The following CENPP variants were observed in gnomAD, a reference collection of about 807,000 sequenced individuals.
CENPP encodes centromere protein P.
In CENPP, 24 loss-of-function variants were observed where a neutral mutation model predicts 35.6. That is an observed-to-expected ratio of 0.67 (90% CI 0.49 to 0.95). The LOEUF is 0.95. Among genes scored for constraint, CENPP ranks in the 40% least tolerant of loss-of-function variants. CENPP has a pLI of 0.00. For synonymous variants in CENPP, 120 were observed against 125.5 expected (o/e 0.96, Z 0.29); for missense variants, 332 against 345.3 (o/e 0.96, Z 0.31).
intron 5 of CENPP, among the ~76,000 whole-genome samples, chr9:92,478,498 G>A (rs1351990499): frequency 6.6e-6 from 1 of 152,126 alleles, no homozygotes; most frequent in Admixed American, 6.5e-5. Flanking sequence ...TTGTCGCCCA[G>A]GCTGGAGTAC....
intron 5 of CENPP, among the ~76,000 whole-genome samples, chr9:92,564,017 T>C (rs1051743852): frequency 6.6e-6 from 1 of 152,200 alleles, no homozygotes; most frequent in East Asian, 1.9e-4. Context: ...CAGGTCTGCA[T>C]TTTGGAAAAA....
At chr9:92,396,375 TA>T (rs1842890359) in intron 5 of CENPP, among the ~76,000 whole-genome samples, 2 of 150,980 alleles carry the variant, frequency 1.3e-5, no homozygotes, top group African/African-American at 4.9e-5. Context: ...GCTTGTTAAT[TA>T]AACAAAAAAA....
intron 4 of CENPP, among the ~76,000 whole-genome samples, chr9:92,349,846 C>T (rs188063567): frequency 5.1e-4 from 78 of 152,294 alleles, no homozygotes; most frequent in African/African-American, 1.7e-3. Context: ...CACACACAAA[C>T]ATACATGTAT....
chr9:92,613,177 A>C lies in CENPP; in HGVS notation c.*28A>C. 1 of 1,613,730 alleles carries C rather than the reference A, an allele frequency of 6.2e-7. No individual in the cohort carries two copies. Among genetic ancestry groups the C allele is most frequent in the East Asian group, 2.2e-5 (1 of 44,878 alleles). ...CCAAAACAGTGAACGTGGAGGATGA[A>C]GATGCTGCGTGGAGGAACATGCAAT... On this transcript the variant is annotated 3_prime_UTR_variant, in exon 8 of 8. Coordinates refer to ENST00000375587, the MANE Select transcript of CENPP (RefSeq NM_001012267.3).
At chr9:92,574,352 G>T (rs538673009) in intron 5 of CENPP, among the ~76,000 whole-genome samples, 3 of 152,124 alleles carry the variant, frequency 2.0e-5, no homozygotes, top group Admixed American at 2.0e-4. Flanking sequence ...AATAAATTCA[G>T]CAAAGTAGCA....
intron 5 of CENPP, among the ~76,000 whole-genome samples, chr9:92,543,314 A>T (rs1161542633): frequency 6.6e-6 from 1 of 151,996 alleles, no homozygotes; most frequent in Non-Finnish European, 1.5e-5. Context: ...TCTATCAAAA[A>T]ATACAAAAAT....
At chr9:92,536,108 T>G in intron 5 of CENPP, 1 of 438,888 alleles carries the variant, frequency 2.3e-6, no homozygotes, top group Non-Finnish European at 4.3e-6. Context: ...GATAAATGCC[T>G]TTCAGTTCTT....
At chr9:92,537,422 A>G (rs984510280) in intron 5 of CENPP, among the ~76,000 whole-genome samples, 1 of 152,046 alleles carries the variant, frequency 6.6e-6, no homozygotes, top group Admixed American at 6.5e-5. Flanking sequence ...GCACTTTGGG[A>G]GGCAGAGACA....
At chr9:92,595,556 T>C (rs1319699965) in intron 5 of CENPP, among the ~76,000 whole-genome samples, 16 of 151,564 alleles carry the variant, frequency 1.1e-4, no homozygotes, top group Admixed American at 1.1e-3. Flanking sequence ...TTTTGTTTTT[T>C]GTTTTTGTTT....
At chr9:92,580,160 T>C (rs1386047968) in intron 5 of CENPP, among the ~76,000 whole-genome samples, 1 of 152,164 alleles carries the variant, frequency 6.6e-6, no homozygotes, top group African/African-American at 2.4e-5. Flanking sequence ...GCCCACTTGA[T>C]CATGGTGGAT....
In CENPP at chr9:92,337,526, T is replaced by G. The variant is rs1157317950; in HGVS notation, c.290-15T>G. The G allele has an allele frequency of 6.8e-7, 1 of 1,474,626 alleles. No individual in the cohort carries two copies. Among genetic ancestry groups the G allele is most frequent in the African/African-American group, 1.4e-5 (1 of 71,696 alleles). The allele number at this position is 1,474,626 out of a possible 1,614,324, so 91.3% of individuals were successfully genotyped here. A position where few individuals can be genotyped will look rare whatever the true frequency, so the allele number is the denominator to read the frequency against. ...GGCTATTTGCAAACAAAATATTTGT[T>G]TTTCTGCTTTACAGGTATTAGAAAA... On this transcript the variant is annotated splice_polypyrimidine_tract_variant and intron_variant, in intron 2 of 7. Coordinates refer to ENST00000375587, the MANE Select transcript of CENPP (RefSeq NM_001012267.3).
intron 5 of CENPP, among the ~76,000 whole-genome samples, chr9:92,569,434 G>A (rs78870140): frequency 0.38 from 57,451 of 152,016 alleles, 13,489 homozygotes; most frequent in African/African-American, 0.66. Context: ...TGTTCCATTG[G>A]TCTATATCTC....
intron 5 of CENPP, among the ~76,000 whole-genome samples, chr9:92,576,497 A>G (rs930711870): frequency 6.6e-6 from 1 of 152,124 alleles, no homozygotes; most frequent in African/African-American, 2.4e-5. Context: ...AAGATGATAA[A>G]TTTTATGTTA....
chr9:92,610,981 G>A (rs1851223086), intron 5 of CENPP: 3 of 392,410 alleles, frequency 7.6e-6, no homozygotes, highest in Admixed American at 4.2e-5. Flanking sequence ...CAGACCGTCT[G>A]GGTTGTGACA....
rs1851413046 is a variant in CENPP, at chr9:92,615,887, A to G, written c.*2738A>G. The G allele has an allele frequency of 6.2e-7, 1 of 1,614,230 alleles. No homozygotes were observed. Among genetic ancestry groups the G allele is most frequent in the Non-Finnish European group, 8.5e-7 (1 of 1,180,044 alleles). Reference sequence around the variant, plus strand: ...TTCGCTTTCCTTGAACCGAGTCGACATCACGGCGTTGTCTTTGGCACGTAC... The same window carrying G: ...TTCGCTTTCCTTGAACCGAGTCGACGTCACGGCGTTGTCTTTGGCACGTAC... On this transcript the variant is annotated 3_prime_UTR_variant, in exon 8 of 8. Transcript: ENST00000375587.
At chr9:92,351,884 C>G (rs1306264465) in intron 4 of CENPP, among the ~76,000 whole-genome samples, 1 of 152,002 alleles carries the variant, frequency 6.6e-6, no homozygotes, top group Admixed American at 6.6e-5. Flanking sequence ...CTCGGCCTCC[C>G]AAAGTGCTGG....
intron 5 of CENPP, among the ~76,000 whole-genome samples, chr9:92,506,455 A>G (rs924004316): frequency 6.6e-6 from 1 of 152,182 alleles, no homozygotes; most frequent in African/African-American, 2.4e-5. Flanking sequence ...TCTGTGCTGC[A>G]AAATGGACAG....
chr9:92,497,596 C>T (rs989593078), intron 5 of CENPP, among the ~76,000 whole-genome samples: 29 of 150,736 alleles, frequency 1.9e-4, no homozygotes, highest in African/African-American at 7.1e-4. Context: ...TGCACTTCTG[C>T]CTGGGCAACA....
intron 3 of CENPP, among the ~76,000 whole-genome samples, chr9:92,342,944 T>G (rs1841168959): frequency 6.6e-6 from 1 of 152,192 alleles, no homozygotes; most frequent in African/African-American, 2.4e-5. Context: ...TTTTACATAC[T>G]GAGCACATTT....
Sources: gnomAD v4.1 joint callset for allele counts (sites outside exome capture counted in the v4.1 genomes callset) on GRCh38, gnomAD v4.1.1 for gene constraint, MANE v1.5 for transcripts, NCBI Gene and HGNC (gene_info 2026-07-23, HGNC 2026-07-21) for gene names.